STRIP2: variants seen among roughly 807,000 people sequenced by gnomAD.
STRIP2 encodes striatin interacting protein 2.
Under a neutral mutation model 107.1 loss-of-function variants are expected in STRIP2, and 84 were observed. The ratio of observed to expected loss-of-function variants is 0.78; its 90% CI spans 0.66 to 0.94. STRIP2 has a LOEUF of 0.94. Ranked by LOEUF, STRIP2 falls within the 40% of genes least tolerant of loss-of-function variation. The pLI, the probability that STRIP2 is intolerant of heterozygous loss-of-function variation, is 0.00. For missense variants in STRIP2, 888 were observed against 1,034.2 expected (o/e 0.86, Z 1.94); for synonymous variants, 394 against 400.4 (o/e 0.98, Z 0.19).
Position 129,434,470 on chromosome 7 carries a change from A to G in STRIP2, c.-3A>G, listed in dbSNP as rs919828283. 4 of 1,509,996 alleles carry G rather than the reference A, an allele frequency of 2.6e-6. No individual in the cohort carries two copies. Among genetic ancestry groups the G allele is most frequent in the African/African-American group, 1.4e-5 (1 of 69,950 alleles). The allele number at this position is 1,509,996 out of a possible 1,614,324, so 93.5% of individuals were successfully genotyped here. ...ACCCTGAGGGGAGCCGCTGACCAGC[A>G]GCATGGAGGACCCCGCCGCGCCTGG... On this transcript the variant is annotated 5_prime_UTR_variant, in exon 1 of 21. Coordinates refer to ENST00000249344, the MANE Select transcript of STRIP2 (RefSeq NM_020704.3).
chr7:129,437,208 C>G (rs1258149891), intron 1 of STRIP2, among the ~76,000 whole-genome samples: 1 of 79,576 alleles, frequency 1.3e-5, no homozygotes, highest in Non-Finnish European at 2.7e-5. Context: ...GAGACTGAGG[C>G]AGGTGGGTAG....
At chr7:129,438,941 A>T (rs563867034) in intron 1 of STRIP2, among the ~76,000 whole-genome samples, 1 of 152,094 alleles carries the variant, frequency 6.6e-6, no homozygotes, top group Non-Finnish European at 1.5e-5. Context: ...CCTGGGCAGC[A>T]CTCTCCTAGC....
chr7:129,440,341 CTTTA>C (rs1156318165), intron 2 of STRIP2, among the ~76,000 whole-genome samples: 2 of 152,180 alleles, frequency 1.3e-5, no homozygotes, highest in Admixed American at 1.3e-4. Context: ...GCTCACTCTT[CTTTA>C]TTCTCTTTGA....
At position 129,483,631 on chromosome 7, in the gene STRIP2, A is replaced by G. The variant is rs1799180589; in HGVS notation, c.2254+585A>G. 1 of 152,574 alleles carries G rather than the reference A, an allele frequency of 6.6e-6. No individual in the cohort carries two copies. Among genetic ancestry groups the G allele is most frequent in the Non-Finnish European group, 1.5e-5 (1 of 68,434 alleles). 9.5% of individuals were successfully genotyped at this position (152,574 alleles called of 1,614,324 possible). ...TCATCTAATAAAGTTCATATTCACAATTTTCGAGTTGTCCCAAAATGTTCT... is the reference window on the plus strand; with the variant it reads ...TCATCTAATAAAGTTCATATTCACAGTTTTCGAGTTGTCCCAAAATGTTCT... On this transcript the variant is annotated intron_variant, in intron 20 of 20. Transcript: ENST00000249344. This position sits in a 1 kb window ranked among gnomAD's most constrained non-coding sequence, Gnocchi z 5.1.
At position 129,454,436 on chromosome 7, in the gene STRIP2, T is replaced by G; in HGVS notation, c.615T>G (p.Val205=). The G allele has an allele frequency of 1.9e-6, 3 of 1,613,818 alleles. No individual in the cohort carries two copies. Among genetic ancestry groups the G allele is most frequent in the Non-Finnish European group, 2.5e-6 (3 of 1,179,832 alleles). The change falls in exon 7 of 21, where the codon GTT becomes GTG. Residue 205 remains valine (V), a synonymous_variant. Transcript: ENST00000249344. The part of the protein sequence containing the change: ...DSTELRVLLS[V]MYLMVENIRL... ...GTAACCCCAGGGTGCTGCTGAGTGT[T>G]ATGTACCTAATGGTGGAAAATATTC...
At chr7:129,456,680 C>T in intron 9 of STRIP2, 38 bp downstream of exon 9, 1 of 1,566,822 alleles carries the variant, frequency 6.4e-7, no homozygotes, top group South Asian at 1.1e-5. Context: ...GGGACACCGA[C>T]TGGCCAAAAA....
At chr7:129,451,235 G>C (rs533470803) in intron 3 of STRIP2, among the ~76,000 whole-genome samples, 1 of 152,012 alleles carries the variant, frequency 6.6e-6, no homozygotes. Context: ...CACCGCACCC[G>C]GCCGAGAAAG....
chr7:129,473,310 G>A (rs557296969), intron 18 of STRIP2, among the ~76,000 whole-genome samples: 2 of 152,216 alleles, frequency 1.3e-5, no homozygotes, highest in East Asian at 3.9e-4. Context: ...TCATTTGACA[G>A]CAAAATTTAA....
Position 129,460,391 on chromosome 7 carries a change from A to G in STRIP2, c.1476+19A>G. ...GTCTTTGGTGAGCCAAGGAAGCCCT[A>G]CACAGGAGGAGAGTAGAAGAAAACC... On this transcript the variant is annotated intron_variant, in intron 13 of 20. Coordinates refer to ENST00000249344, the MANE Select transcript of STRIP2 (RefSeq NM_020704.3). The G allele has an allele frequency of 6.2e-7, 1 of 1,608,702 alleles. No individual in the cohort carries two copies. The highest frequency in any genetic ancestry group is 8.5e-7 in the Non-Finnish European group (1 of 1,176,180).
In STRIP2 at chr7:129,442,991, GAGAT is replaced by G. The variant is rs553826612; in HGVS notation, c.200-1029_200-1026del. On this transcript the variant is annotated intron_variant, in intron 2 of 20. Transcript: ENST00000249344. ...GGGTACATATACAATGTTCTGGAGA[GAGAT>G]AGAGAGAGTAGGAAAGGGCATTTTT... Among the ~76,000 whole-genome samples the G allele has an allele frequency of 5.1e-4, 77 of 151,958 alleles. 2 individuals are homozygous for G. The highest frequency in any genetic ancestry group is 3.9e-3 in the East Asian group (20 of 5,178).
intron 12 of STRIP2, 29 bp from the exon 13 acceptor site, chr7:129,460,272 C>T: frequency 1.2e-6 from 2 of 1,603,548 alleles, no homozygotes; most frequent in Non-Finnish European, 1.7e-6. Context: ...GGCCCTCAGC[C>T]CTTGTTGATG....
In STRIP2 at chr7:129,461,247, T is replaced by C. The variant is rs1798525762; in HGVS notation, c.1476+875T>C. Among the ~76,000 whole-genome samples the C allele has an allele frequency of 6.6e-6, 1 of 152,206 alleles. No homozygotes were observed. ...TGTTTTGGTCATACTAAGTTTTAGA[T>C]GCCCATTAGATACCCATGTGGAGCT... On this transcript the variant is annotated intron_variant, in intron 13 of 20. Transcript: ENST00000249344. The surrounding 1 kb of genome is among the most constrained non-coding windows in gnomAD (Gnocchi z 4.0).
intron 3 of STRIP2, among the ~76,000 whole-genome samples, chr7:129,450,912 A>C (rs1349612699): frequency 7.2e-6 from 1 of 139,502 alleles, no homozygotes; most frequent in Non-Finnish European, 1.5e-5. Flanking sequence ...ATTAGTGAGA[A>C]AGGTCCTTTT....
rs990541074 is a variant in STRIP2, at chr7:129,453,451, C to T, written c.530+104C>T. On this transcript the variant is annotated intron_variant, in intron 5 of 20. Coordinates refer to ENST00000249344, the MANE Select transcript of STRIP2 (RefSeq NM_020704.3). ...CACTATAGAGACCCCCTGTGAGGAA[C>T]TGGGTCTACTCACACCTCAGCCCAA... is the stretch of plus-strand genomic sequence containing the variant. 8.5e-6 allele frequency: 12 copies of T among 1,415,608 alleles called. No individual in the cohort carries two copies. The African/African-American group carries it at 1.4e-4, about 17-fold the overall frequency. The allele number at this position is 1,415,608 out of a possible 1,614,324, so 87.7% of individuals were successfully genotyped here. A position where few individuals can be genotyped will look rare whatever the true frequency, so the allele number is the denominator to read the frequency against.
chr7:129,454,348 A>G, intron 6 of STRIP2, 73 bp from the exon 7 acceptor site: 1 of 1,465,260 alleles, frequency 6.8e-7, no homozygotes, highest in Non-Finnish European at 9.5e-7. Context: ...TCCCACAGAG[A>G]CCATCTCTGA....
intron 6 of STRIP2, 38 bp downstream of exon 6, chr7:129,454,248 TG>T: frequency 6.2e-7 from 1 of 1,602,572 alleles, no homozygotes; most frequent in Non-Finnish European, 8.5e-7. Context: ...ACAGGGCAGA[TG>T]ATTAGCACCT....
chr7:129,444,177 C>T, intron 3 of STRIP2, 79 bp downstream of exon 3: 1 of 1,040,574 alleles, frequency 9.6e-7, no homozygotes, highest in Non-Finnish European at 1.5e-6. Context: ...AAGACTAAAA[C>T]AAAGTGCGAT....
intron 4 of STRIP2, among the ~76,000 whole-genome samples, chr7:129,452,485 ATC>A (rs1798222203): frequency 2.0e-5 from 3 of 152,210 alleles, no homozygotes; most frequent in Non-Finnish European, 4.4e-5. Flanking sequence ...GCCCTCCTGT[ATC>A]TCTTGGGTCT....
chr7:129,442,080 C>T (rs1378272101), intron 2 of STRIP2, among the ~76,000 whole-genome samples: 4 of 152,142 alleles, frequency 2.6e-5, no homozygotes, highest in Non-Finnish European at 5.9e-5. Context: ...CAAAAATTAG[C>T]TGGGCATCGT....
Sources: gnomAD v4.1 joint callset for allele counts (sites outside exome capture counted in the v4.1 genomes callset) on GRCh38, gnomAD v4.1.1 for gene constraint, Gnocchi (gnomAD v3.1) non-coding constraint, MANE v1.5 for transcripts, NCBI Gene and HGNC (gene_info 2026-07-23, HGNC 2026-07-21) for gene names.